Variants in SORCS1 observed in about 807,000 individuals in gnomAD.
SORCS1 encodes the protein VPS10 domain-containing receptor SorCS1.
SORCS1 carries 60 observed loss-of-function variants against 146.1 expected under a neutral mutation model. The observed-to-expected ratio is 0.41, with a 90% confidence interval of 0.33 to 0.51. The LOEUF (loss-of-function observed/expected upper bound fraction) is 0.51. Among genes scored for constraint, SORCS1 ranks in the 20% least tolerant of loss-of-function variants. SORCS1 has a pLI of 0.21. For missense variants in SORCS1, 1,352 were observed against 1,487.6 expected (o/e 0.91, Z 1.50); for synonymous variants, 637 against 584.0 (o/e 1.09, Z -1.31).
intron 1 of SORCS1, among the ~76,000 whole-genome samples, chr10:106,978,176 C>G (rs1265536808): frequency 6.6e-6 from 1 of 152,124 alleles, no homozygotes; most frequent in East Asian, 1.9e-4. Context: ...AACCCCTGAC[C>G]TCAGGTTATC....
At chr10:107,089,316 T>C (rs1449830982) in intron 1 of SORCS1, among the ~76,000 whole-genome samples, 2 of 152,180 alleles carry the variant, frequency 1.3e-5, no homozygotes, top group Non-Finnish European at 2.9e-5. Context: ...GTTTATGGGG[T>C]AAACAAAAAG....
At chr10:107,079,050 C>T (rs1311874111) in intron 1 of SORCS1, among the ~76,000 whole-genome samples, 1 of 152,024 alleles carries the variant, frequency 6.6e-6, no homozygotes, top group Non-Finnish European at 1.5e-5. Context: ...GTGGTGAAAC[C>T]ACGTCTCTAC....
chr10:107,151,965 C>A (rs1428233926), intron 1 of SORCS1, among the ~76,000 whole-genome samples: 1 of 152,126 alleles, frequency 6.6e-6, no homozygotes, highest in Admixed American at 6.5e-5. Context: ...CACAGCAGGC[C>A]CTTCCATCAC....
At position 106,912,369 on chromosome 10, in the gene SORCS1, T is replaced by A. The variant is rs565707679; in HGVS notation, c.626+44144A>T. On this transcript the variant is annotated intron_variant, in intron 2 of 25. Transcript: ENST00000263054. The stretch of plus-strand genomic sequence containing the variant: ...ACAGTCCACCTGTACCGCTTTTTTT[T>A]ACGAGATGATCCTTTTATTTCTTAC... 2.6e-5 allele frequency among the ~76,000 whole-genome samples: 4 copies of A among 152,300 alleles called. No homozygotes were observed. In the South Asian group the frequency reaches 8.3e-4, roughly 32 times the overall value.
intron 2 of SORCS1, among the ~76,000 whole-genome samples, chr10:106,832,952 G>A (rs1948619103): frequency 6.6e-6 from 1 of 152,150 alleles, no homozygotes; most frequent in South Asian, 2.1e-4. Context: ...AAAGGCAAAT[G>A]AGGATTATAT....
intron 1 of SORCS1, 28 bp downstream of exon 1, chr10:107,163,941 C>A (rs1199946514): frequency 1.9e-6 from 3 of 1,596,286 alleles, no homozygotes; most frequent in Non-Finnish European, 2.6e-6. Flanking sequence ...TCTTTCCACC[C>A]CTTTACCCTC....
At chr10:107,063,051 A>G (rs1961384438) in intron 1 of SORCS1, among the ~76,000 whole-genome samples, 1 of 152,194 alleles carries the variant, frequency 6.6e-6, no homozygotes, top group Non-Finnish European at 1.5e-5. Flanking sequence ...TCTGTGATGA[A>G]TGACTGTGAG....
chr10:106,892,895 C>CCTTTT (rs938705099), intron 2 of SORCS1, among the ~76,000 whole-genome samples: 1 of 137,206 alleles, frequency 7.3e-6, no homozygotes, highest in African/African-American at 2.7e-5. Context: ...TTGGAAAGCC[C>CCTTTT]TTTTTTTTTT....
chr10:107,035,220 G>A (rs1204510684), intron 1 of SORCS1, among the ~76,000 whole-genome samples: 2 of 125,692 alleles, frequency 1.6e-5, no homozygotes, highest in South Asian at 2.6e-4. Flanking sequence ...CTGTGCCAGT[G>A]TTTTTCTAAG....
chr10:106,866,802 C>T (rs1382658094), intron 2 of SORCS1, among the ~76,000 whole-genome samples: 1 of 152,204 alleles, frequency 6.6e-6, no homozygotes, highest in African/African-American at 2.4e-5. Flanking sequence ...AAAAACGCTG[C>T]AGAAAACCTC....
intron 18 of SORCS1, among the ~76,000 whole-genome samples, chr10:106,648,230 T>C (rs1849599897): frequency 1.3e-5 from 2 of 152,194 alleles, no homozygotes; most frequent in South Asian, 4.1e-4. Context: ...TTGTCTTACT[T>C]TGGATTAATG....
chr10:106,657,193 T>C (rs1489969853), intron 17 of SORCS1, among the ~76,000 whole-genome samples: 9 of 152,158 alleles, frequency 5.9e-5, no homozygotes, highest in Non-Finnish European at 1.5e-5. Flanking sequence ...TGCAAAGATA[T>C]GGAACCAACT....
At chr10:106,867,866 C>T (rs920205829) in intron 2 of SORCS1, among the ~76,000 whole-genome samples, 2 of 152,134 alleles carry the variant, frequency 1.3e-5, no homozygotes, top group African/African-American at 2.4e-5. Context: ...CAATACCAAC[C>T]TTGAATGTAA....
chr10:106,768,824 C>T (rs1859770422), intron 4 of SORCS1, among the ~76,000 whole-genome samples: 1 of 152,202 alleles, frequency 6.6e-6, no homozygotes, highest in Non-Finnish European at 1.5e-5. Flanking sequence ...CACTGGCTGG[C>T]ATCTATGCCA....
intron 5 of SORCS1, among the ~76,000 whole-genome samples, chr10:106,740,010 C>A (rs1309335288): frequency 6.6e-6 from 1 of 151,274 alleles, no homozygotes; most frequent in Non-Finnish European, 1.5e-5. Flanking sequence ...GATAACCTGA[C>A]CCCATGGAAA....
At chr10:107,178,297 C>A in the SORCS1 span, among the ~76,000 whole-genome samples, 138 of 152,104 alleles carry the variant, frequency 9.1e-4, no homozygotes, top group African/African-American at 3.3e-3. Flanking sequence ...TGCCTGTCAC[C>A]CTTCCTAGCC....
At chr10:106,884,843 C>A (rs1950935721) in intron 2 of SORCS1, among the ~76,000 whole-genome samples, 1 of 152,006 alleles carries the variant, frequency 6.6e-6, no homozygotes, top group South Asian at 2.1e-4. Context: ...AATGAAAAAA[C>A]AAAATAAAAC....
chr10:106,987,110 G>A (rs1297652763), intron 1 of SORCS1, among the ~76,000 whole-genome samples: 2 of 152,096 alleles, frequency 1.3e-5, no homozygotes, highest in African/African-American at 2.4e-5. Context: ...CTCCTAATAG[G>A]CTTTTAAAAA....
chr10:106,701,093 T>C (rs777568556), intron 8 of SORCS1, among the ~76,000 whole-genome samples: 1 of 152,232 alleles, frequency 6.6e-6, no homozygotes, highest in Non-Finnish European at 1.5e-5. Flanking sequence ...CCTGTACACT[T>C]CAGATCATCT....
Sources: allele counts gnomAD v4.1 joint callset (sites outside exome capture counted in the v4.1 genomes callset), GRCh38; gene constraint gnomAD v4.1.1; transcripts MANE v1.5; gene names NCBI Gene and HGNC (gene_info 2026-07-23, HGNC 2026-07-21).